Variants in TYW1 observed in about 807,000 individuals in gnomAD.
The protein encoded by TYW1 is tRNA-yW synthesizing protein 1 homolog.
Under a neutral mutation model 96.2 loss-of-function variants are expected in TYW1, and 46 were observed. The observed-to-expected ratio is 0.48, with a 90% CI of 0.38 to 0.61. The LOEUF (loss-of-function observed/expected upper bound fraction) is 0.61, where lower values mean the gene tolerates loss of function less well. TYW1 is among the 20% of genes least tolerant of loss of function. TYW1 has a pLI of 0.00. For missense variants in TYW1, 684 were observed against 909.6 expected, an observed-to-expected ratio of 0.75 and a Z score of 3.19; for synonymous variants, 274 against 323.0, an observed-to-expected ratio of 0.85 and a Z score of 1.63.
chr7:67,111,128 A>G (rs1047113328), intron 12 of TYW1, among the ~76,000 whole-genome samples: 2 of 152,222 alleles, frequency 1.3e-5, no homozygotes, highest in Non-Finnish European at 2.9e-5. Flanking sequence ...GGAAGCCTAG[A>G]TGTTGGACTT....
intron 15 of TYW1, among the ~76,000 whole-genome samples, chr7:67,234,348 T>TAAAAAA (rs57100190): frequency 8.6e-5 from 8 of 93,340 alleles, no homozygotes; most frequent in African/African-American, 1.9e-4. Flanking sequence ...ACCTATCTCT[T>TAAAAAA]AAAAAAAAAA....
At position 67,206,561 on chromosome 7, in the gene TYW1, G is replaced by A. The variant is rs147016973; in HGVS notation, c.1977+11224G>A. On this transcript the variant is annotated intron_variant, in intron 15 of 15. Coordinates refer to ENST00000359626, the MANE Select transcript of TYW1 (RefSeq NM_018264.4). Reference sequence around the variant, plus strand: ...CAGAAGAATTGCTTGAACCTGGGAGGCAGAGGTTGCAGTGAGCCAAGATCG... The same window carrying A: ...CAGAAGAATTGCTTGAACCTGGGAGACAGAGGTTGCAGTGAGCCAAGATCG... Among the ~76,000 whole-genome samples the A allele has an allele frequency of 7.0e-4, 107 of 151,966 alleles. 1 individual carries two copies. Among genetic ancestry groups the A allele is most frequent in the African/African-American group, 2.4e-3 (100 of 41,432 alleles).
Position 67,225,520 on chromosome 7 carries a change from C to T in TYW1, c.1978-12788C>T, listed in dbSNP as rs571472701. Among the ~76,000 whole-genome samples, 24 of 152,220 alleles carry T rather than the reference C, an allele frequency of 1.6e-4. No individual in the cohort carries two copies. In the East Asian group the frequency reaches 4.6e-3, roughly 29 times the overall value. On this transcript the variant is annotated intron_variant, in intron 15 of 15. Coordinates refer to ENST00000359626, the MANE Select transcript of TYW1 (RefSeq NM_018264.4). ...GTCTGTGAAGGGAGGGGAAGAAGAG[C>T]TATCACCACCCCCACACCCTCCCAT...
At chr7:67,023,596 T>C (rs1270106931) in intron 6 of TYW1, among the ~76,000 whole-genome samples, 1 of 151,948 alleles carries the variant, frequency 6.6e-6, no homozygotes, top group Non-Finnish European at 1.5e-5. Flanking sequence ...GGTGAAACCC[T>C]GTCTCTACTA....
At chr7:67,043,581 T>A (rs1795095983) in intron 7 of TYW1, among the ~76,000 whole-genome samples, 1 of 152,152 alleles carries the variant, frequency 6.6e-6, no homozygotes, top group Non-Finnish European at 1.5e-5. Context: ...CTGTTGGTAT[T>A]GCAGTGGAAT....
intron 15 of TYW1, among the ~76,000 whole-genome samples, chr7:67,224,656 C>T (rs1330542569): frequency 1.3e-5 from 2 of 152,242 alleles, no homozygotes; most frequent in African/African-American, 4.8e-5. Flanking sequence ...AGATATTCCT[C>T]TATTGCCTTC....
chr7:67,110,726 AGGCGTGGT>A (rs1797378065), intron 12 of TYW1, among the ~76,000 whole-genome samples: 2 of 152,222 alleles, frequency 1.3e-5, no homozygotes, highest in East Asian at 3.9e-4. Flanking sequence ...AATAATAGCC[AGGCGTGGT>A]GGCTCATGTC....
chr7:67,129,770 G>A (rs550355390), intron 13 of TYW1, among the ~76,000 whole-genome samples: 2 of 152,068 alleles, frequency 1.3e-5, no homozygotes, highest in Non-Finnish European at 2.9e-5. Context: ...AGTAATTTTT[G>A]TCTTTGTGAA....
At chr7:67,084,290 GT>G (rs1309910457) in intron 11 of TYW1, among the ~76,000 whole-genome samples, 2 of 152,244 alleles carry the variant, frequency 1.3e-5, no homozygotes, top group East Asian at 3.9e-4. Context: ...ATAAATAACA[GT>G]TTCTTCCATC....
At chr7:67,107,817 TG>T (rs1797286855) in intron 12 of TYW1, among the ~76,000 whole-genome samples, 1 of 150,564 alleles carries the variant, frequency 6.6e-6, no homozygotes, top group Non-Finnish European at 1.5e-5. Flanking sequence ...CCTCCCACCC[TG>T]GCCTCCAAAA....
chr7:67,204,302 GTC>G (rs1357199423), intron 15 of TYW1, among the ~76,000 whole-genome samples: 1 of 151,692 alleles, frequency 6.6e-6, no homozygotes, highest in Non-Finnish European at 1.5e-5. Flanking sequence ...TTCTCTTTTA[GTC>G]TCTCTGTTTT....
rs1458390217 is a variant in TYW1, at chr7:67,238,994, G to A, written c.*465G>A. 14 of 993,182 alleles carry A rather than the reference G, an allele frequency of 1.4e-5. No homozygotes were observed. Among genetic ancestry groups the A allele is most frequent in the Non-Finnish European group, 1.7e-5 (14 of 833,912 alleles). The allele number at this position is 993,182 out of a possible 1,614,324, so 61.5% of individuals were successfully genotyped here. ...TCTGTGCTTTCTAAGATAAGAGCTT[G>A]ATCCCTTTCTTCTATCTTAAGACAG... On this transcript the variant is annotated 3_prime_UTR_variant, in exon 16 of 16. Transcript: ENST00000359626.
chr7:67,149,259 C>G (rs1398010780), intron 13 of TYW1, among the ~76,000 whole-genome samples: 5 of 152,218 alleles, frequency 3.3e-5, no homozygotes, highest in Non-Finnish European at 7.3e-5. Context: ...AAGCTAATTT[C>G]TTTTGCTCAT....
At chr7:67,209,706 G>A (rs534709032) in intron 15 of TYW1, among the ~76,000 whole-genome samples, 2 of 152,142 alleles carry the variant, frequency 1.3e-5, no homozygotes, top group South Asian at 4.2e-4. Context: ...CTGAGTAGCT[G>A]GGATTACAAG....
At chr7:67,165,707 C>G (rs1443617316) in intron 13 of TYW1, among the ~76,000 whole-genome samples, 5 of 152,108 alleles carry the variant, frequency 3.3e-5, no homozygotes, top group African/African-American at 1.2e-4. Flanking sequence ...GCAGGCAGAT[C>G]GCTTGAGCTC....
At chr7:67,208,894 G>T (rs1800905774) in intron 15 of TYW1, among the ~76,000 whole-genome samples, 4 of 152,052 alleles carry the variant, frequency 2.6e-5, no homozygotes, top group African/African-American at 4.8e-5. Flanking sequence ...CAGTGATATT[G>T]TCATTGTCAT....
intron 7 of TYW1, among the ~76,000 whole-genome samples, chr7:67,031,835 C>A (rs59987843): frequency 0.022 from 3,267 of 149,900 alleles, 122 homozygotes; most frequent in African/African-American, 0.076. Flanking sequence ...CAGGTGATTC[C>A]CACCTACACC....
At position 67,017,821 on chromosome 7, in the gene TYW1, G is replaced by A. The variant is rs371375659; in HGVS notation, c.571-32G>A. ...CTGGAAAACCCTGATTTAGAGAACCGTGCTTTTAGCCTATCTATCTTTTCC... is the reference window on the plus strand; with the variant it reads ...CTGGAAAACCCTGATTTAGAGAACCATGCTTTTAGCCTATCTATCTTTTCC... On this transcript the variant is annotated intron_variant, in intron 5 of 15. Coordinates refer to ENST00000359626, the MANE Select transcript of TYW1 (RefSeq NM_018264.4). The A allele has an allele frequency of 5.7e-5, 91 of 1,587,158 alleles. 1 individual carries two copies. In the African/African-American group the frequency reaches 7.4e-4, roughly 13 times the overall value.
intron 13 of TYW1, among the ~76,000 whole-genome samples, chr7:67,167,083 T>C (rs934949867): frequency 1.3e-5 from 2 of 152,212 alleles, no homozygotes; most frequent in African/African-American, 4.8e-5. Context: ...GTCTTCTCTC[T>C]CCATTGCCTC....
Sources: gnomAD v4.1 joint callset for allele counts (sites outside exome capture counted in the v4.1 genomes callset) on GRCh38, gnomAD v4.1.1 for gene constraint, MANE v1.5 for transcripts, NCBI Gene and HGNC (gene_info 2026-07-23, HGNC 2026-07-21) for gene names.